The following NCOA6 variants were observed in gnomAD, a reference collection of about 807,000 sequenced individuals.
The protein encoded by NCOA6 is NRC RAP250.
Under a neutral mutation model 171.4 loss-of-function variants are expected in NCOA6, and 49 were observed. That is an observed-to-expected ratio of 0.29 (90% confidence interval 0.23 to 0.36). NCOA6 has a LOEUF of 0.36. Ranked by LOEUF, NCOA6 falls within the 10% of genes least tolerant of loss-of-function variation. The pLI is 1.00. For missense variants in NCOA6, 2,248 were observed against 2,554.5 expected (o/e 0.88, Z 2.59); for synonymous variants, 910 against 927.5 (o/e 0.98, Z 0.34).
At chr20:34,770,093 G>A (rs559900054) in intron 4 of NCOA6, among the ~76,000 whole-genome samples, 30 of 151,276 alleles carry the variant, frequency 2.0e-4, no homozygotes, top group African/African-American at 6.8e-4. Flanking sequence ...AGGCTGAAGC[G>A]CAGTGGTGCA....
At chr20:34,818,168 T>C (rs2078901430) in intron 1 of NCOA6, among the ~76,000 whole-genome samples, 1 of 152,322 alleles carries the variant, frequency 6.6e-6, no homozygotes, top group South Asian at 2.1e-4. Flanking sequence ...ACTTAGCACA[T>C]TATCTTGCAA....
At chr20:34,771,993 C>A (rs2077164577) in intron 4 of NCOA6, among the ~76,000 whole-genome samples, 2 of 152,148 alleles carry the variant, frequency 1.3e-5, no homozygotes, top group South Asian at 4.1e-4. Flanking sequence ...ATCTGTTGTT[C>A]CAGCATAATT....
intron 6 of NCOA6, 73 bp downstream of exon 6, chr20:34,758,732 A>G: frequency 1.3e-6 from 2 of 1,540,214 alleles, no homozygotes; most frequent in Non-Finnish European, 8.8e-7. Context: ...TCAGCATCAG[A>G]GATAACTGAA....
intron 7 of NCOA6, among the ~76,000 whole-genome samples, chr20:34,756,792 A>C (rs1998028): frequency 6.6e-6 from 1 of 151,962 alleles, no homozygotes; most frequent in Admixed American, 6.6e-5. Context: ...ATTAACTAGG[A>C]TTATCAAAAT....
intron 8 of NCOA6, among the ~76,000 whole-genome samples, chr20:34,752,895 A>G (rs1157687360): frequency 6.9e-6 from 1 of 145,504 alleles, no homozygotes; most frequent in Non-Finnish European, 1.5e-5. Flanking sequence ...GCTTGGGCAC[A>G]AGAGCAAAAA....
rs138519572 is a variant in NCOA6, at chr20:34,813,972, T to C, written c.-164+11500A>G. 4.3e-4 allele frequency among the ~76,000 whole-genome samples: 65 copies of C among 152,190 alleles called. 1 individual carries two copies. In the East Asian group the frequency reaches 0.013, roughly 29 times the overall value. On this transcript the variant is annotated intron_variant, in intron 1 of 14. Transcript: ENST00000359003. The stretch of plus-strand genomic sequence containing the variant: ...CCTAATGAAATCATTTTAGGGAATA[T>C]ATTCTAAGAAAAAAACTGGAAGAAA...
rs2076588315 is a variant in NCOA6 at position 34,754,586 on chromosome 20, A to C, written c.1675+136T>G. ...TATATTGACAAAAGTTACTGCCCTG[A>C]AAGAATAATTATTTATGGGCTTGAA... On this transcript the variant is annotated intron_variant, in intron 8 of 14. Transcript: ENST00000359003. 9.2e-6 allele frequency: 10 copies of C among 1,081,262 alleles called. No homozygotes were observed. The South Asian group carries it at 1.9e-4, about 21-fold the overall frequency. The allele number at this position is 1,081,262 out of a possible 1,614,324, so 67.0% of individuals were successfully genotyped here.
rs2078215057 is a variant in NCOA6 at position 34,800,263 on chromosome 20, A to G, written c.-163-7700T>C. ...AAAGTAAATTAAAACATACCACTAG[A>G]GAAAATCACCTTCACTAAAAGAAAG... On this transcript the variant is annotated intron_variant, in intron 1 of 14. Transcript: ENST00000359003. 2.0e-5 allele frequency among the ~76,000 whole-genome samples: 3 copies of G among 152,176 alleles called. No individual in the cohort carries two copies. In the South Asian group the frequency reaches 6.2e-4, roughly 31 times the overall value.
Position 34,741,820 on chromosome 20 carries a change from A to G in NCOA6, c.4436T>C (p.Leu1479Ser), listed in dbSNP as rs1195675215. The change falls in exon 11 of 15, where the codon TTG (leucine) becomes TCG (serine). Residue 1479 changes from leucine to serine, a missense_variant. By Grantham distance (145) the Leu-to-Ser change is moderately radical (BLOSUM62 -2). Coordinates refer to ENST00000359003, the MANE Select transcript of NCOA6 (RefSeq NM_014071.5). ...TGCTTCCCTCATAGCAGGAGACACC[A>G]AATTTTTGTTCTCTTCGACACTGGG... Reference protein sequence around the residue: ...KLPSVEENKNLVSPAMREAPT... With the variant: ...KLPSVEENKNSVSPAMREAPT... 1.9e-6 allele frequency: 3 copies of G among 1,614,196 alleles called. No homozygotes were observed. The highest frequency in any genetic ancestry group is 1.7e-5 in the Admixed American group (1 of 60,024).
chr20:34,722,563 C>T (rs1035849160), intron 14 of NCOA6, among the ~76,000 whole-genome samples: 1 of 151,632 alleles, frequency 6.6e-6, no homozygotes, highest in African/African-American at 2.4e-5. Flanking sequence ...ACCTGTAGTT[C>T]CAGCTACTTG....
chr20:34,813,239 G>A (rs910423561), intron 1 of NCOA6, among the ~76,000 whole-genome samples: 2 of 151,778 alleles, frequency 1.3e-5, no homozygotes, highest in African/African-American at 4.8e-5. Context: ...GCCGAGGAGG[G>A]TGGATCACTT....
chr20:34,727,467 G>A lies in NCOA6; in HGVS notation c.6000-60C>T, dbSNP rs6060019. On this transcript the variant is annotated intron_variant, in intron 13 of 14. Transcript: ENST00000359003. ...GAGGGAACCAGGCCACACAAAAAAC[G>A]GGCTCTTCAGATAGTTTCATTCGTA... 6.8e-4 allele frequency: 1,063 copies of A among 1,569,292 alleles called. 4 individuals carry two copies. In the Middle Eastern group the frequency reaches 7.0e-3, roughly 10 times the overall value.
intron 14 of NCOA6, among the ~76,000 whole-genome samples, chr20:34,726,544 G>C (rs1989972561): frequency 6.6e-6 from 1 of 152,104 alleles, no homozygotes; most frequent in Non-Finnish European, 1.5e-5. Flanking sequence ...CAGCACTTTA[G>C]GAAGCTGAGA....
At chr20:34,730,616 T>G (rs924533876) in intron 13 of NCOA6, among the ~76,000 whole-genome samples, 35 of 151,930 alleles carry the variant, frequency 2.3e-4, no homozygotes, top group Non-Finnish European at 2.1e-4. Flanking sequence ...CAGAGTGGTA[T>G]AGTAGGAGTA....
intron 1 of NCOA6, among the ~76,000 whole-genome samples, chr20:34,818,518 C>T (rs1178776462): frequency 6.6e-6 from 1 of 152,116 alleles, no homozygotes; most frequent in South Asian, 2.1e-4. Flanking sequence ...ATTCCAACAA[C>T]ACCCTTATAA....
chr20:34,728,740 A>T (rs1252427362), intron 13 of NCOA6, among the ~76,000 whole-genome samples: 1 of 152,202 alleles, frequency 6.6e-6, no homozygotes, highest in Non-Finnish European at 1.5e-5. Context: ...ACGATAGTAG[A>T]TTAGTTAGCT....
intron 1 of NCOA6, among the ~76,000 whole-genome samples, chr20:34,805,015 C>T (rs1568881632): frequency 6.6e-6 from 1 of 151,582 alleles, no homozygotes; most frequent in South Asian, 2.1e-4. Context: ...CTCTAGTAAC[C>T]TCTGTTCTAC....
intron 14 of NCOA6, among the ~76,000 whole-genome samples, chr20:34,719,944 T>G (rs893981110): frequency 6.6e-6 from 1 of 152,232 alleles, no homozygotes; most frequent in African/African-American, 2.4e-5. Flanking sequence ...TTATACCCTG[T>G]GTTTTTTTAG....
At chr20:34,812,308 G>C (rs918749909) in intron 1 of NCOA6, among the ~76,000 whole-genome samples, 4 of 151,636 alleles carry the variant, frequency 2.6e-5, no homozygotes, top group African/African-American at 9.7e-5. Flanking sequence ...CAGATCTGGG[G>C]CTCCCAAGGG....
Sources: gnomAD v4.1 joint callset for allele counts (sites outside exome capture counted in the v4.1 genomes callset) on GRCh38, gnomAD v4.1.1 for gene constraint, MANE v1.5 for transcripts, NCBI Gene and HGNC (gene_info 2026-07-23, HGNC 2026-07-21) for gene names.